The following NAV3 variants were observed in gnomAD, a reference collection of about 807,000 sequenced individuals.
NAV3 encodes the protein neuron navigator 3.
NAV3 carries 87 observed loss-of-function variants against 244.7 expected under a neutral mutation model. The observed-to-expected ratio is 0.36, with a 90% CI of 0.30 to 0.42. The LOEUF (loss-of-function observed/expected upper bound fraction) is 0.42. Ranked by LOEUF, NAV3 falls within the 20% of genes least tolerant of loss-of-function variation. The pLI is 1.00. For missense variants in NAV3, 2,663 were observed against 2,893.3 expected, an observed-to-expected ratio of 0.92 and a Z score of 1.83; for synonymous variants, 1,126 against 1,042.2, an observed-to-expected ratio of 1.08 and a Z score of -1.55.
Position 78,021,751 on chromosome 12 carries a change from C to T in NAV3, c.1912C>T (p.His638Tyr), listed in dbSNP as rs2136814228. Residue 638 changes from histidine (H) to tyrosine (Y), a missense_variant, in exon 9 of 40, where the codon CAT becomes TAT. Transcript: ENST00000397909. The part of the protein sequence containing the change: ...ATVAPFIYRA[H>Y]SENEGTALPS... ...TATTTTCATGGTTAATTTCAGGGCA[C>T]ATTCAGAAAATGAAGGTACCGCTTT... 5 of 1,605,614 alleles carry T rather than the reference C, an allele frequency of 3.1e-6. No individual in the cohort carries two copies. Among genetic ancestry groups the T allele is most frequent in the Non-Finnish European group, 3.4e-6 (4 of 1,174,528 alleles).
At chr12:77,586,023 G>A (rs961930364) in intron 2 of NAV3, among the ~76,000 whole-genome samples, 2 of 152,050 alleles carry the variant, frequency 1.3e-5, no homozygotes, top group African/African-American at 4.8e-5. Flanking sequence ...TTAGCCGGGC[G>A]TGGTGGCGGG....
chr12:77,675,756 G>A (rs1592570026), intron 2 of NAV3, among the ~76,000 whole-genome samples: 1 of 152,296 alleles, frequency 6.6e-6, no homozygotes, highest in East Asian at 1.9e-4. Flanking sequence ...GTGGGTGAGT[G>A]TTCTGGGAAG....
chr12:78,115,690 A>G (rs895903400), intron 12 of NAV3, among the ~76,000 whole-genome samples: 1 of 152,236 alleles, frequency 6.6e-6, no homozygotes. Context: ...GTACATTTTC[A>G]TTGTTCTGAT....
At chr12:78,144,464 T>A (rs1956766360) in intron 20 of NAV3, among the ~76,000 whole-genome samples, 2 of 151,888 alleles carry the variant, frequency 1.3e-5, no homozygotes, top group Non-Finnish European at 2.9e-5. Flanking sequence ...CTGAAAAAAA[T>A]ATATTAATAT....
At chr12:77,703,366 A>G (rs1342348517) in intron 2 of NAV3, among the ~76,000 whole-genome samples, 1 of 152,076 alleles carries the variant, frequency 6.6e-6, no homozygotes, top group African/African-American at 2.4e-5. Context: ...CACTTCATTT[A>G]TTATATTGAG....
intron 2 of NAV3, among the ~76,000 whole-genome samples, chr12:77,646,071 T>C (rs1872595222): frequency 6.6e-6 from 1 of 152,140 alleles, no homozygotes; most frequent in Non-Finnish European, 1.5e-5. Flanking sequence ...ACATGGTGTT[T>C]TGATACGAGC....
At chr12:77,726,814 A>G (rs1478875010) in intron 2 of NAV3, among the ~76,000 whole-genome samples, 3 of 151,944 alleles carry the variant, frequency 2.0e-5, no homozygotes, top group Admixed American at 6.6e-5. Flanking sequence ...GGCACAGTGG[A>G]TGATTGTGAA....
At chr12:77,574,961 C>A (rs1869011019) in intron 2 of NAV3, among the ~76,000 whole-genome samples, 1 of 151,110 alleles carries the variant, frequency 6.6e-6, no homozygotes, top group Admixed American at 6.6e-5. Flanking sequence ...TATCTTCCTA[C>A]AACAATAAAA....
rs1201502825 is a variant in NAV3, at chr12:78,007,078, G to A, written c.1540G>A (p.Ala514Thr). 6.2e-7 allele frequency: 1 copy of A among 1,614,152 alleles called. No homozygotes were observed. The highest frequency in any genetic ancestry group is 8.5e-7 in the Non-Finnish European group (1 of 1,180,020). Residue 514 changes from alanine (A) to threonine (T), a missense_variant, in exon 8 of 40, where the codon GCA (alanine) becomes ACA (threonine). Coordinates refer to ENST00000397909, the MANE Select transcript of NAV3 (RefSeq NM_001024383.2). ...GATCCCTAAGGGCAGCAAGACAACA[G>A]CAGCTAAGAAGGAAAGCTTAATTCC... Reference protein sequence around the residue: ...SLIPKGSKTTAAKKESLIPSS... With the variant: ...SLIPKGSKTTTAKKESLIPSS...
At chr12:77,629,765 C>T (rs1871801838) in intron 2 of NAV3, among the ~76,000 whole-genome samples, 1 of 152,164 alleles carries the variant, frequency 6.6e-6, no homozygotes, top group Non-Finnish European at 1.5e-5. Flanking sequence ...ACTCTCCCCT[C>T]TGCTGAAAAT....
rs988445266 is a variant in NAV3, at chr12:77,629,189, A to G, written c.72+56923A>G. On this transcript the variant is annotated intron_variant, in intron 2 of 8. Transcript: ENST00000550042. ...TGAGAGTTGATTTATTTTTAAGCCCATAAATATTGTCTTTCTTTACAGTGT... is the reference window on the plus strand; with the variant it reads ...TGAGAGTTGATTTATTTTTAAGCCCGTAAATATTGTCTTTCTTTACAGTGT... 2.0e-5 allele frequency among the ~76,000 whole-genome samples: 3 copies of G among 152,224 alleles called. No individual in the cohort carries two copies. The East Asian group carries it at 5.8e-4, about 29-fold the overall frequency.
chr12:77,840,089 A>G (rs1252245159), intron 1 of NAV3, among the ~76,000 whole-genome samples: 1 of 152,140 alleles, frequency 6.6e-6, no homozygotes, highest in East Asian at 1.9e-4. Context: ...AAAAAAATAA[A>G]AATAAAGAAT....
At chr12:77,895,741 T>TA (rs1884530035) in intron 1 of NAV3, among the ~76,000 whole-genome samples, 1 of 150,312 alleles carries the variant, frequency 6.7e-6, no homozygotes, top group Admixed American at 6.6e-5. Context: ...CCCTCTTGTT[T>TA]TTTTTTTTTT....
chr12:78,108,519 C>T (rs1954921947), intron 12 of NAV3, among the ~76,000 whole-genome samples: 1 of 152,114 alleles, frequency 6.6e-6, no homozygotes, highest in Non-Finnish European at 1.5e-5. Flanking sequence ...GTCATCAGCA[C>T]ATGAAACAAT....
In NAV3 at chr12:78,161,325, T is replaced by C. The variant is rs145294087; in HGVS notation, c.4869+2039T>C. ...TCTTTTTCCCTTGAAAATTATAAGA[T>C]AACACCAAATTCCTCACTGGGCATA... On this transcript the variant is annotated intron_variant, in intron 23 of 39. Transcript: ENST00000397909. Among the ~76,000 whole-genome samples, 113 of 152,262 alleles carry C rather than the reference T, an allele frequency of 7.4e-4. 1 individual carries two copies. The highest frequency in any genetic ancestry group is 1.4e-3 in the Non-Finnish European group (96 of 68,012).
At chr12:78,159,622 T>G (rs1957443509) in intron 23 of NAV3, among the ~76,000 whole-genome samples, 1 of 151,754 alleles carries the variant, frequency 6.6e-6, no homozygotes, top group Admixed American at 6.6e-5. Flanking sequence ...TGAGCCAAGA[T>G]CACACCACTG....
chr12:78,097,099 G>A (rs933239753), intron 12 of NAV3, among the ~76,000 whole-genome samples: 2 of 152,184 alleles, frequency 1.3e-5, no homozygotes, highest in Admixed American at 1.3e-4. Context: ...TAAGGTAGTA[G>A]CCTGAGAGCA....
Position 78,190,111 on chromosome 12 carries a change from A to C in NAV3, c.6183A>C (p.Gly2061=), listed in dbSNP as rs61754964. The part of the protein sequence containing the change: ...RIILSGPSGT[G]KTYLANKLAE... ...TACTCTCAGGACCGAGTGGTACTGG[A>C]AAGACCTATTTGGCAAACAAACTTG... Residue 2061 remains glycine (G), a synonymous_variant, in exon 34 of 40, where the codon GGA becomes GGC. Coordinates refer to ENST00000397909, the MANE Select transcript of NAV3 (RefSeq NM_001024383.2). 15 of 1,613,186 alleles carry C rather than the reference A, an allele frequency of 9.3e-6. No individual in the cohort carries two copies. Among genetic ancestry groups the C allele is most frequent in the Non-Finnish European group, 1.3e-5 (15 of 1,179,512 alleles).
chr12:77,904,790 C>T (rs1011017648), intron 1 of NAV3, among the ~76,000 whole-genome samples: 3 of 152,058 alleles, frequency 2.0e-5, no homozygotes, highest in African/African-American at 7.2e-5. Flanking sequence ...TCTATCCTAT[C>T]TTATTTTGGA....
Sources: allele counts gnomAD v4.1 joint callset (sites outside exome capture counted in the v4.1 genomes callset), GRCh38; gene constraint gnomAD v4.1.1; transcripts MANE v1.5; gene names NCBI Gene and HGNC (gene_info 2026-07-23, HGNC 2026-07-21).